The following BICDL2 variants were observed in gnomAD, a reference collection of about 807,000 sequenced individuals.
BICDL2 encodes the protein BICD family-like cargo adapter 2.
Under a neutral mutation model 56.6 loss-of-function variants are expected in BICDL2, and 62 were observed. The ratio of observed to expected loss-of-function variants is 1.10; its 90% CI spans 0.89 to 1.35. The LOEUF (loss-of-function observed/expected upper bound fraction) is 1.35, where lower values mean the gene tolerates loss of function less well. BICDL2 is among the 40% of genes most tolerant of loss of function. The pLI, the probability that BICDL2 is intolerant of heterozygous loss-of-function variation, is 0.00. For synonymous variants in BICDL2, 358 were observed against 319.8 expected (o/e 1.12, Z -1.27); for missense variants, 808 against 684.5 (o/e 1.18, Z -2.01).
Position 3,027,935 on chromosome 16 carries a change from G to A in BICDL2, c.*171C>T. On this transcript the variant is annotated 3_prime_UTR_variant, in exon 10 of 10. Transcript: ENST00000572449. ...CCACCTGGAGCTCCTGCCCCACAAAGCTGGCCCCTGCTCCGGATGAGCCCC... is the reference window on the plus strand; with the variant it reads ...CCACCTGGAGCTCCTGCCCCACAAAACTGGCCCCTGCTCCGGATGAGCCCC... 1.9e-6 allele frequency: 2 copies of A among 1,056,416 alleles called. No homozygotes were observed. Among genetic ancestry groups the A allele is most frequent in the Non-Finnish European group, 2.6e-6 (2 of 775,306 alleles). 65.4% of individuals were successfully genotyped at this position (1,056,416 alleles called of 1,614,324 possible).
In BICDL2 at chr16:3,028,237, A is replaced by T; in HGVS notation, c.1396T>A (p.Ser466Thr). The T allele has an allele frequency of 2.0e-6, 3 of 1,471,814 alleles. No homozygotes were observed. The South Asian group carries it at 4.2e-5, about 21-fold the overall frequency. The allele number at this position is 1,471,814 out of a possible 1,614,324, so 91.2% of individuals were successfully genotyped here. Residue 466 changes from serine (S) to threonine (T), a missense_variant, in exon 10 of 10, where the codon TCA becomes ACA. Transcript: ENST00000572449. ...MQVVIGQQLR[S>T]QRQKELSASA... Reference sequence around the variant, plus strand: ...GCGCTCAGCTCCTTCTGGCGCTGTGAGCGCAGCTGCTGCCCGATCACCACC... The same window carrying T: ...GCGCTCAGCTCCTTCTGGCGCTGTGTGCGCAGCTGCTGCCCGATCACCACC...
Position 3,029,531 on chromosome 16 carries a change from C to A in BICDL2, c.957+14G>T. Reference sequence around the variant, plus strand: ...GATGGCACAGGTAAGGGGGCTGGGGCCCCACGAGCTCACCGGGGTGTCTCC... The same window carrying A: ...GATGGCACAGGTAAGGGGGCTGGGGACCCACGAGCTCACCGGGGTGTCTCC... On this transcript the variant is annotated intron_variant, in intron 6 of 9. Coordinates refer to ENST00000572449, the MANE Select transcript of BICDL2 (RefSeq NM_001369667.1). 3 of 1,555,338 alleles carry A rather than the reference C, an allele frequency of 1.9e-6. No homozygotes were observed. Among genetic ancestry groups the A allele is most frequent in the Non-Finnish European group, 2.6e-6 (3 of 1,156,692 alleles).
At position 3,035,326 on chromosome 16, in the gene BICDL2, C is replaced by T. The variant is rs757806616; in HGVS notation, c.171G>A (p.Lys57=). 1.9e-6 allele frequency: 3 copies of T among 1,587,370 alleles called. No individual in the cohort carries two copies. Among genetic ancestry groups the T allele is most frequent in the Non-Finnish European group, 2.6e-6 (3 of 1,167,324 alleles). Residue 57 remains lysine (K), a synonymous_variant, in exon 2 of 10, where the codon AAG becomes AAA. Coordinates refer to ENST00000572449, the MANE Select transcript of BICDL2 (RefSeq NM_001369667.1). ...PEDLALQLQQ[K]EKDLLLAAEL... is the part of the protein sequence containing the mutation. Reference sequence around the variant, plus strand: ...CCGCGGCCAACAGCAGGTCTTTCTCCTTCTGCTGCAGCTGCAAGGCTAGGT... The same window carrying T: ...CCGCGGCCAACAGCAGGTCTTTCTCTTTCTGCTGCAGCTGCAAGGCTAGGT...
chr16:3,028,846 G>A lies in BICDL2; in HGVS notation c.1108-16C>T. ...GCAGCGAGATCTGTGAGCAGAGGAG[G>A]GGGGCCGTGCGGCAGATGGGCCAAT... is the stretch of plus-strand genomic sequence containing the variant. On this transcript the variant is annotated splice_polypyrimidine_tract_variant and intron_variant, in intron 7 of 9. Transcript: ENST00000572449. 6.5e-7 allele frequency: 1 copy of A among 1,535,778 alleles called. No homozygotes were observed. Among genetic ancestry groups the A allele is most frequent in the Non-Finnish European group, 8.7e-7 (1 of 1,144,094 alleles).
chr16:3,035,885 C>A, intron 1 of BICDL2: 1 of 304,226 alleles, frequency 3.3e-6, no homozygotes, highest in Non-Finnish European at 6.3e-6. Flanking sequence ...AGACAGTTCC[C>A]AGAACCCAGG....
chr16:3,030,255 G>C (rs1955632219), intron 5 of BICDL2, 194 bp downstream of exon 5: 1 of 677,024 alleles, frequency 1.5e-6, no homozygotes, highest in South Asian at 2.1e-5. Flanking sequence ...GCCAGGCTCT[G>C]ATGCACTCTA....
chr16:3,032,203 G>C (rs1406709052), intron 2 of BICDL2: 1 of 152,254 alleles, frequency 6.6e-6, no homozygotes, highest in Non-Finnish European at 1.5e-5. Flanking sequence ...CAAAGTGCTG[G>C]GATTACAGGC....
chr16:3,035,176 T>TTGGCCGG, intron 2 of BICDL2, 39 bp downstream of exon 2: 1 of 136,274 alleles, frequency 7.3e-6, no homozygotes, highest in Non-Finnish European at 1.4e-5. Context: ...CGTCCTCCCC[T>TTGGCCGG]GCCCACCCAC....
rs749885094 is a variant in BICDL2 at position 3,030,722 on chromosome 16, T to G, written c.589A>C (p.Thr197Pro). ...AQALAGAELR[T>P]RLESLQGENQ... ...TCCCCCTGCAGACTCTCCAGCCGCG[T>G]CCTCAGCTCTGCTCCAGCCAGTGCC... Residue 197 changes from threonine (T) to proline (P), a missense_variant, in exon 4 of 10, where the codon ACG becomes CCG. Physicochemically the swap from Thr to Pro is conservative, Grantham distance 38. Transcript: ENST00000572449. The G allele has an allele frequency of 2.5e-6, 4 of 1,612,448 alleles. No homozygotes were observed. The highest frequency in any genetic ancestry group is 3.4e-6 in the Non-Finnish European group (4 of 1,179,788).
At chr16:3,031,240 T>A in intron 2 of BICDL2, 90 bp from the exon 3 acceptor site, 1 of 1,171,330 alleles carries the variant, frequency 8.5e-7, no homozygotes, top group Non-Finnish European at 1.2e-6. Context: ...GACAGACACC[T>A]AGGGAGAAAG....
rs1011571131 is a variant in BICDL2, at chr16:3,029,709, C to A, written c.793G>T (p.Ala265Ser). The A allele has an allele frequency of 3.9e-6, 6 of 1,539,610 alleles. No homozygotes were observed. The African/African-American group carries it at 6.9e-5, about 18-fold the overall frequency. ...LERARSEAGE[A>S]LSALRRLQRR... ...TGCAGCCTCCGCAGCGCACTCAGCG[C>A]CTCCCCAGCCTCTGACCGTGCGCGT... The change falls in exon 6 of 10, where the codon GCG becomes TCG. Residue 265 changes from alanine to serine, a missense_variant. By Grantham distance (99) the Ala-to-Ser change is moderately conservative. Coordinates refer to ENST00000572449, the MANE Select transcript of BICDL2 (RefSeq NM_001369667.1).
At position 3,031,604 on chromosome 16, in the gene BICDL2, C is replaced by T. The variant is rs557310858; in HGVS notation, c.283-454G>A. On this transcript the variant is annotated intron_variant, in intron 2 of 9. Transcript: ENST00000572449. ...CCCTCTAATTAACCCTGGTCAGCCC[C>T]GCCCTGGCCCAAAAACCTGTCTGAC... 1.1e-4 allele frequency: 43 copies of T among 406,498 alleles called. 1 individual carries two copies. The highest frequency in any genetic ancestry group is 1.8e-4 in the African/African-American group (9 of 48,846). The allele number at this position is 406,498 out of a possible 1,614,324, so 25.2% of individuals were successfully genotyped here.
chr16:3,029,529 G>A lies in BICDL2; in HGVS notation c.957+16C>T. Reference sequence around the variant, plus strand: ...TCGATGGCACAGGTAAGGGGGCTGGGGCCCCACGAGCTCACCGGGGTGTCT... The same window carrying A: ...TCGATGGCACAGGTAAGGGGGCTGGAGCCCCACGAGCTCACCGGGGTGTCT... On this transcript the variant is annotated intron_variant, in intron 6 of 9. Coordinates refer to ENST00000572449, the MANE Select transcript of BICDL2 (RefSeq NM_001369667.1). The A allele has an allele frequency of 5.8e-6, 9 of 1,556,054 alleles. No homozygotes were observed. The highest frequency in any genetic ancestry group is 1.2e-5 in the South Asian group (1 of 85,762).
Position 3,035,397 on chromosome 16 carries a change from G to A in BICDL2, c.100C>T (p.Arg34Trp), listed in dbSNP as rs1164828218. ...EGFFPFVLER[R>W]DSFLGGGPGP... ...GGGCCCCCTCCCAGGAATGAGTCCCGCCGCTCCAGCACAAAGGGGAAGAAG... is the reference window on the plus strand; with the variant it reads ...GGGCCCCCTCCCAGGAATGAGTCCCACCGCTCCAGCACAAAGGGGAAGAAG... The change falls in exon 2 of 10, where the codon CGG (arginine) becomes TGG (tryptophan). Residue 34 changes from arginine to tryptophan, a missense_variant. Transcript: ENST00000572449. 4 of 1,611,726 alleles carry A rather than the reference G, an allele frequency of 2.5e-6. No individual in the cohort carries two copies. The highest frequency in any genetic ancestry group is 2.2e-5 in the East Asian group (1 of 44,836).
In BICDL2 at chr16:3,028,763, G is replaced by A. The variant is rs376295108; in HGVS notation, c.1175C>T (p.Ala392Val). The change falls in exon 8 of 10, where the codon GCG becomes GTG. Residue 392 changes from alanine (A) to valine (V), a missense_variant. Coordinates refer to ENST00000572449, the MANE Select transcript of BICDL2 (RefSeq NM_001369667.1). ...EELQRQKELR[A>V]QEDPGEALHS... ...CAGGGCCTCCCCAGGGTCTTCCTGCGCCCGCAGCTCCTTCTGCCTCTGCAG... is the reference window on the plus strand; with the variant it reads ...CAGGGCCTCCCCAGGGTCTTCCTGCACCCGCAGCTCCTTCTGCCTCTGCAG... The A allele has an allele frequency of 3.8e-5, 59 of 1,559,962 alleles. No individual in the cohort carries two copies. In the African/African-American group the frequency reaches 6.5e-4, roughly 17 times the overall value.
chr16:3,029,515 G>A, intron 6 of BICDL2, 30 bp downstream of exon 6: 1 of 1,564,856 alleles, frequency 6.4e-7, no homozygotes, highest in Admixed American at 1.9e-5. Flanking sequence ...CGATGGCACA[G>A]GTAAGGGGGC....
rs557774072 is a variant in BICDL2 at position 3,029,156 on chromosome 16, T to C, written c.1107+124A>G. The stretch of plus-strand genomic sequence containing the variant: ...ATACAGGCTGGCTCTTGAAGTAAGT[T>C]TGTTGAGATGAAAGCCGATCCAGGT... On this transcript the variant is annotated intron_variant, in intron 7 of 9. Coordinates refer to ENST00000572449, the MANE Select transcript of BICDL2 (RefSeq NM_001369667.1). The C allele has an allele frequency of 2.4e-5, 30 of 1,227,836 alleles. No homozygotes were observed. In the Admixed American group the frequency reaches 6.8e-4, roughly 28 times the overall value. 76.1% of individuals were successfully genotyped at this position (1,227,836 alleles called of 1,614,324 possible). A position where few individuals can be genotyped will look rare whatever the true frequency, so the allele number is the denominator to read the frequency against.
Position 3,029,584 on chromosome 16 carries a change from G to T in BICDL2, c.918C>A (p.Gly306=). ...QSELAHSLDD[G]DQGQGADAPG... ...GTGCGTCGGCGCCCTGGCCCTGGTC[G>T]CCGTCGTCGAGGCTGTGGGCCAGTT... Residue 306 remains glycine, a synonymous_variant, in exon 6 of 10, where the codon GGC becomes GGA. Coordinates refer to ENST00000572449, the MANE Select transcript of BICDL2 (RefSeq NM_001369667.1). 1 of 1,544,234 alleles carries T rather than the reference G, an allele frequency of 6.5e-7. No individual in the cohort carries two copies. The highest frequency in any genetic ancestry group is 8.7e-7 in the Non-Finnish European group (1 of 1,148,824).
At position 3,035,221 on chromosome 16, in the gene BICDL2, A is replaced by C. The variant is rs781228375; in HGVS notation, c.276T>G (p.Arg92=). The change falls in exon 2 of 10, where the codon CGT becomes CGG. Residue 92 remains arginine (R), a synonymous_variant. Transcript: ENST00000572449. ...CCGTCCAGTGCTAGCTCACTTCCTC[A>C]CGCTCCAAGTGCTGGGCGCTCAGCG... ...LETLSAQHLE[R]EERLQQENHE... 3.1e-5 allele frequency: 35 copies of C among 1,129,494 alleles called. No homozygotes were observed. Among genetic ancestry groups the C allele is most frequent in the Non-Finnish European group, 3.8e-5 (34 of 892,564 alleles). 70.0% of individuals were successfully genotyped at this position (1,129,494 alleles called of 1,614,324 possible).
Sources: allele counts gnomAD v4.1 joint callset, GRCh38; gene constraint gnomAD v4.1.1; transcripts MANE v1.5; gene names NCBI Gene and HGNC (gene_info 2026-07-23, HGNC 2026-07-21).